Variants in OR10A3 observed in about 807,000 individuals in gnomAD.
OR10A3 encodes the protein olfactory receptor family 10 subfamily A member 3, also known as olfactory receptor 10A3.
OR10A3 carries 1 observed loss-of-function variant against 1.5 expected under a neutral mutation model. The observed-to-expected ratio is 0.66, with a 90% CI of 0.23 to 3.11. The LOEUF (loss-of-function observed/expected upper bound fraction) is 3.11. Ranked by LOEUF, OR10A3 falls within the 30% of genes most tolerant of loss-of-function variation. OR10A3 has a pLI of 0.21. For missense variants in OR10A3, 398 were observed against 369.7 expected (o/e 1.08, Z -0.63); for synonymous variants, 145 against 143.7 (o/e 1.01, Z -0.06).
In OR10A3 at chr11:7,939,136, G is replaced by A. The variant is rs1288299024; in HGVS notation, c.385C>T (p.Pro129Ser). ...TTCATAATCACTGGGTAGTTCAGAG[G>A]ATGGCAAATTGCAGCAAATCGGTCA... is the stretch of plus-strand genomic sequence containing the variant. ...AYDRFAAICH[P>S]LNYPVIMNRG... The change falls in exon 2 of 2, where the codon CCT becomes TCT. Residue 129 changes from proline (P) to serine (S), a missense_variant. Pro to Ser is a moderately conservative substitution (Grantham distance 74). Coordinates refer to ENST00000642047, the MANE Select transcript of OR10A3 (RefSeq NM_001003745.2). The A allele has an allele frequency of 2.5e-6, 4 of 1,614,026 alleles. No individual in the cohort carries two copies. In the African/African-American group the frequency reaches 4.0e-5, roughly 16 times the overall value.
In OR10A3 at chr11:7,938,888, G is replaced by C; in HGVS notation, c.633C>G (p.Phe211Leu). 2 of 1,614,194 alleles carry C rather than the reference G, an allele frequency of 1.2e-6. No homozygotes were observed. The highest frequency in any genetic ancestry group is 1.7e-6 in the Non-Finnish European group (2 of 1,180,022). Residue 211 changes from phenylalanine (F) to leucine (L), a missense_variant, in exon 2 of 2, where the codon TTC becomes TTG. Coordinates refer to ENST00000642047, the MANE Select transcript of OR10A3 (RefSeq NM_001003745.2). ...TGTILIVMVP[F>L]LLILLSYIRV... is the part of the protein sequence containing the mutation. ...GAATGTAAGACAAGAGGATCAACAA[G>C]AAAGGAACCATAACAATCAAAATGG... is the stretch of plus-strand genomic sequence containing the variant.
rs1320818425 is a variant in OR10A3, at chr11:7,938,554, C to G, written c.*22G>C. 1 of 1,563,780 alleles carries G rather than the reference C, an allele frequency of 6.4e-7. No homozygotes were observed. Among genetic ancestry groups the G allele is most frequent in the East Asian group, 2.2e-5 (1 of 44,460 alleles). On this transcript the variant is annotated 3_prime_UTR_variant, in exon 2 of 2. Transcript: ENST00000642047. ...GAGTTCACTCAGGCAGTGGCCAAAT[C>G]TTACTCAGCTTCTCAACACAATCAG... is the stretch of plus-strand genomic sequence containing the variant.
chr11:7,940,825 A>G (rs1223736501), intron 1 of OR10A3, among the ~76,000 whole-genome samples: 1 of 152,196 alleles, frequency 6.6e-6, no homozygotes. Flanking sequence ...AAGGTATTCA[A>G]TGACACCTTA....
At chr11:7,940,318 C>T (rs1033015552) in intron 1 of OR10A3, among the ~76,000 whole-genome samples, 4 of 152,070 alleles carry the variant, frequency 2.6e-5, no homozygotes, top group South Asian at 2.1e-4. Flanking sequence ...CAGGGCAAAG[C>T]GACTTCATTC....
rs1589983464 is a variant in OR10A3, at chr11:7,938,357, T to C, written c.*219A>G. 1 of 461,102 alleles carries C rather than the reference T, an allele frequency of 2.2e-6. No homozygotes were observed. Among genetic ancestry groups the C allele is most frequent in the Non-Finnish European group, 3.8e-6 (1 of 264,514 alleles). The allele number at this position is 461,102 out of a possible 1,614,324, so 28.6% of individuals were successfully genotyped here. A position where few individuals can be genotyped will look rare whatever the true frequency, so the allele number is the denominator to read the frequency against. On this transcript the variant is annotated 3_prime_UTR_variant, in exon 2 of 2. Coordinates refer to ENST00000642047, the MANE Select transcript of OR10A3 (RefSeq NM_001003745.2). ...CCAGTAGCTACTTGGATGTTCATAATAGAGAAATGGATGAATAAACTGTTG... is the reference window on the plus strand; with the variant it reads ...CCAGTAGCTACTTGGATGTTCATAACAGAGAAATGGATGAATAAACTGTTG...
In OR10A3 at chr11:7,938,682, A is replaced by G; in HGVS notation, c.839T>C (p.Leu280Ser). 1 of 1,614,236 alleles carries G rather than the reference A, an allele frequency of 6.2e-7. No individual in the cohort carries two copies. The highest frequency in any genetic ancestry group is 8.5e-7 in the Non-Finnish European group (1 of 1,180,042). Residue 280 changes from leucine to serine, a missense_variant, in exon 2 of 2, where the codon TTG becomes TCG. By Grantham distance (145) the Leu-to-Ser change is moderately radical (BLOSUM62 -2). Coordinates refer to ENST00000642047, the MANE Select transcript of OR10A3 (RefSeq NM_001003745.2). ...GAGCGGATTGAGCAGAGGGGTAAGC[A>G]ACGTGTAAGCCAATGAGATCAGTTT... ...TKKLISLAYT[L>S]LTPLLNPLIY...
In OR10A3 at chr11:7,938,754, T is replaced by C. The variant is rs1001567605; in HGVS notation, c.767A>G (p.Asn256Ser). ...TSVTLFYGTANMTYLQPKSGY... is the reference protein window; with the variant it reads ...TSVTLFYGTASMTYLQPKSGY... ...AGATTTGGGTTGTAAATAAGTCATA[T>C]TGGCTGTGCCATAGAACAGGGTCAC... is the stretch of plus-strand genomic sequence containing the variant. The change falls in exon 2 of 2, where the codon AAT (asparagine) becomes AGT (serine). Residue 256 changes from asparagine to serine, a missense_variant. Transcript: ENST00000642047. 7 of 1,614,096 alleles carry C rather than the reference T, an allele frequency of 4.3e-6. No individual in the cohort carries two copies. The East Asian group carries it at 6.7e-5, about 15-fold the overall frequency.
intron 1 of OR10A3, among the ~76,000 whole-genome samples, chr11:7,940,052 C>A (rs1298129942): frequency 6.6e-6 from 1 of 152,212 alleles, no homozygotes. Flanking sequence ...CTTGGGTTCC[C>A]CATCTGTATG....
rs764931597 is a variant in OR10A3 at position 7,938,535 on chromosome 11, A to T, written c.*41T>A. On this transcript the variant is annotated 3_prime_UTR_variant, in exon 2 of 2. Coordinates refer to ENST00000642047, the MANE Select transcript of OR10A3 (RefSeq NM_001003745.2). ...CCTTTATTAAATTTAAATAGAGTTC[A>T]CTCAGGCAGTGGCCAAATCTTACTC... 2.1e-6 allele frequency: 3 copies of T among 1,432,882 alleles called. No homozygotes were observed. The highest frequency in any genetic ancestry group is 4.6e-5 in the East Asian group (2 of 43,662). The allele number at this position is 1,432,882 out of a possible 1,614,324, so 88.8% of individuals were successfully genotyped here.
At position 7,938,935 on chromosome 11, in the gene OR10A3, C is replaced by A. The variant is rs1941397047; in HGVS notation, c.586G>T (p.Glu196Ter). The change falls in exon 2 of 2, where the codon GAA (glutamate) becomes TAA (stop). Residue 196 changes from glutamate to a stop codon, truncating the protein, a stop_gained. Coordinates refer to ENST00000642047, the MANE Select transcript of OR10A3 (RefSeq NM_001003745.2). LOFTEE classifies it high-confidence loss of function. ...ATGGTGCCTGTGAAGGCATAGATTTCAAATAAGAAGGTGTCTGCACACACA... is the reference window on the plus strand; with the variant it reads ...ATGGTGCCTGTGAAGGCATAGATTTAAAATAAGAAGGTGTCTGCACACACA... ...ELVCADTFLFEIYAFTGTILI... is the reference protein window; with the variant it reads ...ELVCADTFLF 1 of 1,614,110 alleles carries A rather than the reference C, an allele frequency of 6.2e-7. No homozygotes were observed. The highest frequency in any genetic ancestry group is 8.5e-7 in the Non-Finnish European group (1 of 1,180,002).
chr11:7,941,270 A>G (rs562304840), intron 1 of OR10A3, among the ~76,000 whole-genome samples: 1 of 152,346 alleles, frequency 6.6e-6, no homozygotes, highest in Admixed American at 6.5e-5. Context: ...TACTGCCTTC[A>G]TGAGTAATTT....
Position 7,938,919 on chromosome 11 carries a change from G to T in OR10A3, c.602C>A (p.Thr201Lys), listed in dbSNP as rs747722395. The T allele has an allele frequency of 6.2e-7, 1 of 1,614,136 alleles. No homozygotes were observed. Among genetic ancestry groups the T allele is most frequent in the Non-Finnish European group, 8.5e-7 (1 of 1,179,976 alleles). ...AACCATAACAATCAAAATGGTGCCT[G>T]TGAAGGCATAGATTTCAAATAAGAA... Reference protein sequence around the residue: ...DTFLFEIYAFTGTILIVMVPF... With the variant: ...DTFLFEIYAFKGTILIVMVPF... The change falls in exon 2 of 2, where the codon ACA (threonine) becomes AAA (lysine). Residue 201 changes from threonine (T) to lysine (K), a missense_variant. Transcript: ENST00000642047.
rs779814779 is a variant in OR10A3, at chr11:7,938,671, GA to G, written c.849del (p.Leu284CysfsTer14). On this transcript the variant is annotated frameshift_variant, in exon 2 of 2. Transcript: ENST00000642047. LOFTEE classifies it high-confidence loss of function. ...AAGCTATAGATGAGCGGATTGAGCA[GA>G]GGGGTAAGCAACGTGTAAGCCAATG... ...LISLAYTLLT[P>X]LLNPLIYSLR... is the part of the protein sequence containing the mutation. 3 of 1,614,198 alleles carry G rather than the reference GA, an allele frequency of 1.9e-6. No homozygotes were observed. Among genetic ancestry groups the G allele is most frequent in the Non-Finnish European group, 2.5e-6 (3 of 1,180,030 alleles).
Position 7,937,986 on chromosome 11 carries a change from C to T in OR10A3, c.*590G>A, listed in dbSNP as rs1284525203. The T allele has an allele frequency of 6.5e-6, 1 of 153,640 alleles. No individual in the cohort carries two copies. Among genetic ancestry groups the T allele is most frequent in the Non-Finnish European group, 1.4e-5 (1 of 69,052 alleles). The allele number at this position is 153,640 out of a possible 1,614,324, so 9.5% of individuals were successfully genotyped here. On this transcript the variant is annotated 3_prime_UTR_variant, in exon 2 of 2. Coordinates refer to ENST00000642047, the MANE Select transcript of OR10A3 (RefSeq NM_001003745.2). ...GTACATATGAGCATATGGAACAAGGCATTTATTGAAGCACTGTCTTAATGA... is the reference window on the plus strand; with the variant it reads ...GTACATATGAGCATATGGAACAAGGTATTTATTGAAGCACTGTCTTAATGA...
Position 7,939,310 on chromosome 11 carries a change from C to T in OR10A3, c.211G>A (p.Val71Met). 1 of 1,614,100 alleles carries T rather than the reference C, an allele frequency of 6.2e-7. No individual in the cohort carries two copies. The highest frequency in any genetic ancestry group is 8.5e-7 in the Non-Finnish European group (1 of 1,180,004). The part of the protein sequence containing the change: ...LFLLNLSVVE[V>M]SFSAVITPEM... Reference sequence around the variant, plus strand: ...GGCGTAATGACTGCACTGAAACTCACCTCCACCACAGATAGGTTCAGGAGG... The same window carrying T: ...GGCGTAATGACTGCACTGAAACTCATCTCCACCACAGATAGGTTCAGGAGG... The change falls in exon 2 of 2, where the codon GTG (valine) becomes ATG (methionine). Residue 71 changes from valine (V) to methionine (M), a missense_variant. Physicochemically the swap from Val to Met is conservative, Grantham distance 21. Coordinates refer to ENST00000642047, the MANE Select transcript of OR10A3 (RefSeq NM_001003745.2).
Position 7,939,193 on chromosome 11 carries a change from T to C in OR10A3, c.328A>G (p.Thr110Ala), listed in dbSNP as rs202035566. The C allele has an allele frequency of 1.2e-6, 2 of 1,614,020 alleles. No individual in the cohort carries two copies. Among genetic ancestry groups the C allele is most frequent in the East Asian group, 2.2e-5 (1 of 44,874 alleles). ...QMYFILLFGGTECFLLGAMAY... is the reference protein window; with the variant it reads ...QMYFILLFGGAECFLLGAMAY... ...ATCGCTCCCAGGAGAAAACATTCAGTCCCACCAAAAAGAAGGATGAAATAC... is the reference window on the plus strand; with the variant it reads ...ATCGCTCCCAGGAGAAAACATTCAGCCCCACCAAAAAGAAGGATGAAATAC... Residue 110 changes from threonine (T) to alanine (A), a missense_variant, in exon 2 of 2, where the codon ACT becomes GCT. Physicochemically the swap from Thr to Ala is moderately conservative, Grantham distance 58. Transcript: ENST00000642047.
rs1184740372 is a variant in OR10A3 at position 7,939,656 on chromosome 11, G to A, written c.-136C>T. On this transcript the variant is annotated 5_prime_UTR_variant, in exon 2 of 2. Coordinates refer to ENST00000642047, the MANE Select transcript of OR10A3 (RefSeq NM_001003745.2). ...CAAGCTCATTTTGACAGAACTTCAG[G>A]TTGGCACTTTTGAAGAATGGCCAAT... 2 of 608,302 alleles carry A rather than the reference G, an allele frequency of 3.3e-6. No homozygotes were observed. The highest frequency in any genetic ancestry group is 3.1e-5 in the South Asian group (1 of 31,832). The allele number at this position is 608,302 out of a possible 1,614,324, so 37.7% of individuals were successfully genotyped here. A position where few individuals can be genotyped will look rare whatever the true frequency, so the allele number is the denominator to read the frequency against.
chr11:7,939,517 T>G lies in OR10A3; in HGVS notation c.4A>C (p.Lys2Gln), dbSNP rs201019339. Residue 2 changes from lysine (K) to glutamine (Q), a missense_variant, in exon 2 of 2, where the codon AAA becomes CAA. Transcript: ENST00000642047. The part of the protein sequence containing the change: M[K>Q]RQNQSCVVEF... ...ACCACACAGCTTTGATTTTGTCTTT[T>G]CATTTCAGTAGTTGAAACTTATATT... The G allele has an allele frequency of 3.2e-6, 5 of 1,556,722 alleles. No individual in the cohort carries two copies. The African/African-American group carries it at 6.9e-5, about 21-fold the overall frequency.
At position 7,938,816 on chromosome 11, in the gene OR10A3, T is replaced by C; in HGVS notation, c.705A>G (p.Gln235=). Residue 235 remains glutamine, a synonymous_variant, in exon 2 of 2, where the codon CAA becomes CAG. Coordinates refer to ENST00000642047, the MANE Select transcript of OR10A3 (RefSeq NM_001003745.2). ...GAGAGGCACAGGTGGAAAAGGCCTT[T>C]TGTCTCCCAGTAGTTGATGGCATCT... ...ILKMPSTTGR[Q]KAFSTCASHL... 2 of 1,614,156 alleles carry C rather than the reference T, an allele frequency of 1.2e-6. No homozygotes were observed. The highest frequency in any genetic ancestry group is 1.7e-6 in the Non-Finnish European group (2 of 1,180,020).
Sources: allele counts gnomAD v4.1 joint callset (sites outside exome capture counted in the v4.1 genomes callset), GRCh38; gene constraint gnomAD v4.1.1; transcripts MANE v1.5; gene names NCBI Gene and HGNC (gene_info 2026-07-23, HGNC 2026-07-21).